Variants in PALM2AKAP2 observed in about 807,000 individuals in gnomAD.
PALM2AKAP2 encodes the protein PALM2-AKAP2 fusion protein.
Under a neutral mutation model 71.5 loss-of-function variants are expected in PALM2AKAP2, and 37 were observed. The observed-to-expected ratio is 0.52, with a 90% CI of 0.40 to 0.68. The LOEUF is 0.68. Among genes scored for constraint, PALM2AKAP2 ranks in the 30% least tolerant of loss-of-function variants. The probability of loss-of-function intolerance (pLI) is 0.00; values close to 1 mark genes in which losing one functional copy is unlikely to be tolerated. For missense variants in PALM2AKAP2, 1,224 were observed against 1,191.8 expected (o/e 1.03, Z -0.40); for synonymous variants, 468 against 478.8 (o/e 0.98, Z 0.29).
intron 5 of PALM2AKAP2, among the ~76,000 whole-genome samples, chr9:109,929,438 C>T (rs942086278): frequency 1.7e-4 from 26 of 152,108 alleles, no homozygotes; most frequent in African/African-American, 5.8e-4. Flanking sequence ...CAATTGTCAC[C>T]CACCTGCCCC....
chr9:110,156,225 C>G (rs758810563), intron 2 of PALM2AKAP2, 94 bp from the exon 9 acceptor site: 8 of 1,441,886 alleles, frequency 5.5e-6, no homozygotes, highest in Admixed American at 2.5e-5. Context: ...CTCTCTGTGT[C>G]AGAGGTTGTT....
chr9:109,931,408 G>A (rs1831097965), intron 5 of PALM2AKAP2, among the ~76,000 whole-genome samples: 1 of 152,158 alleles, frequency 6.6e-6, no homozygotes, highest in Non-Finnish European at 1.5e-5. Flanking sequence ...CTGTTTATTT[G>A]TTGTAATGCA....
intron 1 of PALM2AKAP2, among the ~76,000 whole-genome samples, chr9:110,063,214 A>G (rs12554623): frequency 0.19 from 28,850 of 152,160 alleles, 3,604 homozygotes; most frequent in East Asian, 0.39. Context: ...TCTCCCAGGC[A>G]TGTTCTTAAC....
intron 3 of PALM2AKAP2, among the ~76,000 whole-genome samples, chr9:109,896,419 TGGTGAGTCAGAAGGG>T (rs1564199800): frequency 6.6e-6 from 1 of 152,056 alleles, no homozygotes; most frequent in Non-Finnish European, 1.5e-5. Context: ...TTCATACTGG[TGGTGAGTCAGAAGGG>T]GCATCTTCAT....
At chr9:109,841,373 G>GA (rs1828666429) in intron 1 of PALM2AKAP2, among the ~76,000 whole-genome samples, 1 of 148,408 alleles carries the variant, frequency 6.7e-6, no homozygotes, top group East Asian at 2.0e-4. Flanking sequence ...TTGTGGGGTG[G>GA]GGGTAGGGGG....
upstream of PALM2AKAP2, among the ~76,000 whole-genome samples, chr9:110,044,776 A>G (rs1833569946): frequency 6.6e-6 from 1 of 151,800 alleles, no homozygotes; most frequent in Non-Finnish European, 1.5e-5. Flanking sequence ...TGCTAGGAGG[A>G]GGAAATAGTA....
intron 1 of PALM2AKAP2, among the ~76,000 whole-genome samples, chr9:109,850,691 G>A (rs976912146): frequency 6.6e-6 from 1 of 152,220 alleles, no homozygotes; most frequent in African/African-American, 2.4e-5. Context: ...AGCAAAGAAA[G>A]CAAGGATTTA....
chr9:109,842,367 G>A (rs1413684294), intron 1 of PALM2AKAP2, among the ~76,000 whole-genome samples: 2 of 152,180 alleles, frequency 1.3e-5, no homozygotes, highest in Non-Finnish European at 2.9e-5. Flanking sequence ...AGAAAGAAGG[G>A]ACTTTGCAAA....
At chr9:110,016,000 G>A (rs1047330570) in exon 7 of PALM2AKAP2, 32 of 1,613,858 alleles carry the variant, frequency 2.0e-5, no homozygotes, top group Non-Finnish European at 2.7e-5. Flanking sequence ...AGTCAGCCTC[G>A]AACGCCACAG....
intron 1 of PALM2AKAP2, among the ~76,000 whole-genome samples, chr9:109,662,559 T>G (rs1201199962): frequency 6.6e-6 from 1 of 152,216 alleles, no homozygotes; most frequent in African/African-American, 2.4e-5. Flanking sequence ...TGCTGCTGGA[T>G]TTGGTTTGCC....
chr9:110,001,446 G>A (rs1013429161), intron 6 of PALM2AKAP2, among the ~76,000 whole-genome samples: 9 of 152,178 alleles, frequency 5.9e-5, no homozygotes, highest in Non-Finnish European at 1.2e-4. Flanking sequence ...GTCAGGTAGC[G>A]TGACGCCTCC....
chr9:109,976,612 G>A (rs747299855), intron 6 of PALM2AKAP2, among the ~76,000 whole-genome samples: 1 of 152,172 alleles, frequency 6.6e-6, no homozygotes, highest in Non-Finnish European at 1.5e-5. Flanking sequence ...GTTTTCTCTG[G>A]CTTCCCTAGG....
At chr9:109,744,267 A>G (rs188592260) in intron 1 of PALM2AKAP2, among the ~76,000 whole-genome samples, 2 of 152,346 alleles carry the variant, frequency 1.3e-5, no homozygotes, top group East Asian at 1.9e-4. Context: ...CCTCAAAATT[A>G]TAGGTATTTT....
chr9:110,015,985 AGGT>A, exon 7 of PALM2AKAP2: 1 of 1,614,070 alleles, frequency 6.2e-7, no homozygotes, highest in Admixed American at 1.7e-5. Context: ...TGCTAAAGGA[AGGT>A]GAGTCAGCCT....
chr9:109,753,335 C>T (rs978169615), intron 1 of PALM2AKAP2, among the ~76,000 whole-genome samples: 4 of 152,082 alleles, frequency 2.6e-5, no homozygotes, highest in Admixed American at 2.0e-4. Context: ...TTTCCAAAAC[C>T]GTTCCAGTTC....
chr9:109,645,761 G>A (rs535296665), intron 1 of PALM2AKAP2, among the ~76,000 whole-genome samples: 14 of 152,152 alleles, frequency 9.2e-5, no homozygotes, highest in African/African-American at 3.1e-4. Flanking sequence ...AACAGGGAAG[G>A]GTGGGAAGGC....
At chr9:109,646,416 G>A (rs1367544805) in intron 1 of PALM2AKAP2, among the ~76,000 whole-genome samples, 1 of 152,208 alleles carries the variant, frequency 6.6e-6, no homozygotes, top group Non-Finnish European at 1.5e-5. Context: ...ATCCCTGTAA[G>A]CCCTGGGGCT....
intron 6 of PALM2AKAP2, among the ~76,000 whole-genome samples, chr9:109,998,683 C>A (rs895325849): frequency 6.7e-6 from 1 of 148,864 alleles, no homozygotes; most frequent in African/African-American, 2.5e-5. Context: ...GGGAGGATTG[C>A]TTGAGCTCAG....
Position 109,893,043 on chromosome 9 carries a change from G to A in PALM2AKAP2, c.257+12362G>A, listed in dbSNP as rs139209110. On this transcript the variant is annotated intron_variant, in intron 3 of 9. Transcript: ENST00000302798. ...AGATTAGCATGGCATTCCAGAACTCGGGCCCGGTAAGCATCCAGGTCCAAG... is the reference window on the plus strand; with the variant it reads ...AGATTAGCATGGCATTCCAGAACTCAGGCCCGGTAAGCATCCAGGTCCAAG... Among the ~76,000 whole-genome samples, 338 of 152,174 alleles carry A rather than the reference G, an allele frequency of 2.2e-3. 2 individuals carry two copies. Among genetic ancestry groups the A allele is most frequent in the African/African-American group, 7.8e-3 (323 of 41,492 alleles).
Sources: gnomAD v4.1 joint callset for allele counts (sites outside exome capture counted in the v4.1 genomes callset) on GRCh38, gnomAD v4.1.1 for gene constraint, MANE v1.5 for transcripts, NCBI Gene and HGNC (gene_info 2026-07-23, HGNC 2026-07-21) for gene names.